The following NAV2 variants were observed in gnomAD, a reference collection of about 807,000 sequenced individuals.
NAV2 encodes the protein helicase, APC down-regulated 1.
NAV2 carries 54 observed loss-of-function variants against 223.2 expected under a neutral mutation model. That is an observed-to-expected ratio of 0.24 (90% CI 0.19 to 0.30). The LOEUF (loss-of-function observed/expected upper bound fraction) is 0.30. Ranked by LOEUF, NAV2 falls within the 10% of genes least tolerant of loss-of-function variation. The pLI, the probability that NAV2 is intolerant of heterozygous loss-of-function variation, is 1.00. For synonymous variants in NAV2, 1,279 were observed against 1,239.3 expected (o/e 1.03, Z -0.67); for missense variants, 2,806 against 3,147.5 (o/e 0.89, Z 2.60).
intron 7 of NAV2, 40 bp downstream of exon 7, chr11:19,934,317 G>A (rs769875211): frequency 2.0e-6 from 3 of 1,518,608 alleles, no homozygotes; most frequent in South Asian, 1.3e-5. Flanking sequence ...GGGACATTGG[G>A]TAAAAGTTCC....
intron 35 of NAV2, among the ~76,000 whole-genome samples, chr11:20,107,057 ATTTTTTTTTTTTTTTTTTTTTTTTTT>A (rs10590815): frequency 3.7e-5 from 1 of 27,228 alleles, no homozygotes; most frequent in African/African-American, 1.4e-4. Context: ...ATGGGCTTCC[ATTTTTTTTTTTTTTTTTTTTTTTTTT>A]TTTTTTTTTT....
chr11:19,921,176 A>C (rs55939373), intron 6 of NAV2, among the ~76,000 whole-genome samples: 14,215 of 152,248 alleles, frequency 0.093, 861 homozygotes, highest in Admixed American at 0.17. Context: ...TGTTTGATCT[A>C]TCTGATACTA....
At chr11:20,057,155 G>GA (rs1416865028) in intron 19 of NAV2, among the ~76,000 whole-genome samples, 1 of 152,076 alleles carries the variant, frequency 6.6e-6, no homozygotes, top group Admixed American at 6.6e-5. Flanking sequence ...TATGAGTAGG[G>GA]AAAAAGGGCC....
chr11:19,377,903 G>A (rs1235358174), intron 1 of NAV2, among the ~76,000 whole-genome samples: 2 of 152,298 alleles, frequency 1.3e-5, no homozygotes, highest in South Asian at 2.1e-4. Flanking sequence ...GGAGTGGGGT[G>A]TAACAGCTCA....
chr11:19,540,373 C>A (rs1179781190), intron 1 of NAV2, among the ~76,000 whole-genome samples: 1 of 152,210 alleles, frequency 6.6e-6, no homozygotes, highest in African/African-American at 2.4e-5. Flanking sequence ...ATAATTGCAT[C>A]CATTTATTCT....
intron 36 of NAV2, among the ~76,000 whole-genome samples, chr11:20,112,760 C>A (rs1335680935): frequency 6.6e-6 from 1 of 152,188 alleles, no homozygotes; most frequent in Non-Finnish European, 1.5e-5. Context: ...TGCCTGACAG[C>A]CTTTCTCAGC....
Position 19,557,971 on chromosome 11 carries a change from G to A in NAV2, c.75+206944G>A, listed in dbSNP as rs2129539. On this transcript the variant is annotated intron_variant, in intron 1 of 37. Transcript: ENST00000360655. The stretch of plus-strand genomic sequence containing the variant: ...GATGGGGTGCTCTTGTGGGATGAAC[G>A]TTGGGGAGGGACAATCTCTTTAATA... Among the ~76,000 whole-genome samples, 30 of 152,308 alleles carry A rather than the reference G, an allele frequency of 2.0e-4. No individual in the cohort carries two copies. In the East Asian group the frequency reaches 5.0e-3, roughly 25 times the overall value.
intron 11 of NAV2, among the ~76,000 whole-genome samples, chr11:19,994,322 G>A (rs1314124290): frequency 1.3e-5 from 2 of 152,124 alleles, no homozygotes; most frequent in South Asian, 2.1e-4. Flanking sequence ...TGAGGCAGAC[G>A]GATCACCTAA....
At chr11:19,590,768 A>G (rs1356038084) in intron 1 of NAV2, among the ~76,000 whole-genome samples, 1 of 152,186 alleles carries the variant, frequency 6.6e-6, no homozygotes, top group Non-Finnish European at 1.5e-5. Context: ...TCTTTAAGTC[A>G]ATACATTTTT....
At chr11:19,600,969 C>T (rs2046335479) in intron 1 of NAV2, among the ~76,000 whole-genome samples, 1 of 152,196 alleles carries the variant, frequency 6.6e-6, no homozygotes, top group African/African-American at 2.4e-5. Flanking sequence ...ACTTTCTAAA[C>T]TGTAAAGTGC....
At chr11:20,062,870 T>C (rs893749690) in intron 20 of NAV2, among the ~76,000 whole-genome samples, 2 of 152,158 alleles carry the variant, frequency 1.3e-5, no homozygotes, top group African/African-American at 4.8e-5. Flanking sequence ...AATTTTTGTA[T>C]TTTTAGTAGA....
intron 19 of NAV2, among the ~76,000 whole-genome samples, chr11:20,059,247 A>T (rs892461168): frequency 1.3e-5 from 2 of 152,186 alleles, no homozygotes; most frequent in African/African-American, 4.8e-5. Flanking sequence ...TGAGAAGTAG[A>T]TCGTGATGCC....
At chr11:19,686,688 A>G (rs1039242037) in intron 1 of NAV2, among the ~76,000 whole-genome samples, 2 of 152,234 alleles carry the variant, frequency 1.3e-5, no homozygotes, top group Non-Finnish European at 2.9e-5. Flanking sequence ...GCAGCATGTT[A>G]TCATGGAGAG....
At chr11:19,602,211 T>C (rs2046368126) in intron 1 of NAV2, among the ~76,000 whole-genome samples, 1 of 142,226 alleles carries the variant, frequency 7.0e-6, no homozygotes, top group Non-Finnish European at 1.5e-5. Context: ...GGAGTCTCGC[T>C]CTGTTGCCCA....
At chr11:19,904,839 C>G (rs374275363) in intron 6 of NAV2, among the ~76,000 whole-genome samples, 2 of 152,004 alleles carry the variant, frequency 1.3e-5, no homozygotes, top group African/African-American at 4.8e-5. Flanking sequence ...ATATCACTTG[C>G]TAGGGATGCT....
At chr11:19,945,192 CTT>C (rs2046829388) in intron 8 of NAV2, among the ~76,000 whole-genome samples, 1 of 67,576 alleles carries the variant, frequency 1.5e-5, no homozygotes, top group South Asian at 4.3e-4. Flanking sequence ...CTTCCCTTCC[CTT>C]CCCTTCCCTT....
intron 1 of NAV2, among the ~76,000 whole-genome samples, chr11:19,481,018 G>A (rs1437297553): frequency 2.0e-5 from 3 of 152,214 alleles, no homozygotes; most frequent in Admixed American, 6.5e-5. Context: ...TGAGACATCA[G>A]CCATAAGGAT....
At chr11:19,459,745 G>A (rs1852088596) in intron 1 of NAV2, among the ~76,000 whole-genome samples, 1 of 152,156 alleles carries the variant, frequency 6.6e-6, no homozygotes, top group African/African-American at 2.4e-5. Flanking sequence ...GATGCATTGG[G>A]TATAAATACT....
chr11:19,775,376 C>A (rs976291707), intron 1 of NAV2, among the ~76,000 whole-genome samples: 3 of 152,168 alleles, frequency 2.0e-5, no homozygotes, highest in Non-Finnish European at 4.4e-5. Context: ...AAGTTAGGGC[C>A]CGAGGCAGGA....
Sources: gnomAD v4.1 joint callset for allele counts (sites outside exome capture counted in the v4.1 genomes callset) on GRCh38, gnomAD v4.1.1 for gene constraint, MANE v1.5 for transcripts, NCBI Gene and HGNC (gene_info 2026-07-23, HGNC 2026-07-21) for gene names.